The following CFAP47 variants were observed in gnomAD, a reference collection of about 807,000 sequenced individuals.
CFAP47 encodes the protein cilia- and flagella-associated protein 47.
Under a neutral mutation model 148.1 loss-of-function variants are expected in CFAP47, and 29 were observed. The observed-to-expected ratio is 0.20, with a 90% CI of 0.15 to 0.27. The LOEUF (loss-of-function observed/expected upper bound fraction) is 0.27, where lower values mean the gene tolerates loss of function less well. Among genes scored for constraint, CFAP47 ranks in the 10% least tolerant of loss-of-function variants. CFAP47 has a pLI of 1.00. For synonymous variants in CFAP47, 664 were observed against 577.3 expected, an observed-to-expected ratio of 1.15 and a Z score of -2.15; for missense variants, 1,872 against 1,697.5, an observed-to-expected ratio of 1.10 and a Z score of -1.81.
chrX:36,309,751 G>T (rs1332733291), intron 55 of CFAP47, among the ~76,000 whole-genome samples: 1 of 111,276 alleles, frequency 9.0e-6, no homozygotes, highest in Non-Finnish European at 1.9e-5. Flanking sequence ...TATCCAAATA[G>T]TAAATAATTT....
At chrX:36,201,614 G>A (rs1939981036) in intron 44 of CFAP47, 114 bp downstream of exon 44, 1 of 284,268 alleles carries the variant, frequency 3.5e-6, no homozygotes, top group Non-Finnish European at 6.1e-6. Context: ...ATTTTTAGAA[G>A]GAAAAGTAAT....
intron 15 of CFAP47, among the ~76,000 whole-genome samples, chrX:35,984,984 C>T (rs1366831159): frequency 9.0e-6 from 1 of 111,272 alleles, no homozygotes; most frequent in Admixed American, 9.6e-5. Flanking sequence ...AGTTTAGGAC[C>T]CGAATATCTT....
intron 21 of CFAP47, among the ~76,000 whole-genome samples, chrX:36,005,188 A>G (rs1191418073): frequency 9.1e-6 from 1 of 109,752 alleles, no homozygotes; most frequent in Non-Finnish European, 1.9e-5. Context: ...TTGATTCTTT[A>G]TTTCATTCAT....
intron 51 of CFAP47, among the ~76,000 whole-genome samples, chrX:36,287,490 A>AT (rs1556004828): frequency 9.0e-6 from 1 of 111,542 alleles, no homozygotes; most frequent in Non-Finnish European, 1.9e-5. Context: ...CTTAAATGAT[A>AT]TTTTTTCATG....
intron 46 of CFAP47, among the ~76,000 whole-genome samples, chrX:36,233,729 G>A (rs2146906579): frequency 9.0e-6 from 1 of 111,383 alleles, no homozygotes; most frequent in East Asian, 2.8e-4. Flanking sequence ...TTACAATTTG[G>A]CATGATTTTG....
intron 39 of CFAP47, among the ~76,000 whole-genome samples, chrX:36,172,968 A>T (rs1369967466): frequency 9.0e-6 from 1 of 110,856 alleles, no homozygotes; most frequent in African/African-American, 3.3e-5. Context: ...TTATTGCCAC[A>T]ATTTCAGCTC....
intron 40 of CFAP47, among the ~76,000 whole-genome samples, chrX:36,182,301 C>T (rs893256988): frequency 1.8e-5 from 2 of 111,784 alleles, no homozygotes; most frequent in African/African-American, 3.3e-5. Flanking sequence ...ACTGGAAAAC[C>T]TCCTTTCTCC....
intron 51 of CFAP47, among the ~76,000 whole-genome samples, chrX:36,294,615 G>C (rs1029964781): frequency 1.8e-5 from 2 of 110,592 alleles, no homozygotes; most frequent in African/African-American, 3.3e-5. Context: ...GGGAGGCTGA[G>C]GCAGGAGAAT....
chrX:35,991,003 G>C (rs1021876338), intron 16 of CFAP47, among the ~76,000 whole-genome samples: 13 of 111,470 alleles, frequency 1.2e-4, no homozygotes, highest in African/African-American at 4.2e-4. Context: ...TTTTTCAACT[G>C]TAAAGAGACC....
At chrX:35,950,765 A>T (rs1936151432) in intron 4 of CFAP47, among the ~76,000 whole-genome samples, 1 of 111,774 alleles carries the variant, frequency 8.9e-6, no homozygotes, top group Admixed American at 9.6e-5. Context: ...GATGAGAAGA[A>T]TTAGAAAAGA....
chrX:36,086,530 A>T (rs1330148698), intron 30 of CFAP47, among the ~76,000 whole-genome samples: 1 of 111,934 alleles, frequency 8.9e-6, no homozygotes, highest in East Asian at 2.8e-4. Context: ...AGGAATAGAG[A>T]TGGAGGGCAA....
chrX:36,147,196 A>G (rs774067752), intron 36 of CFAP47, among the ~76,000 whole-genome samples: 3 of 108,584 alleles, frequency 2.8e-5, no homozygotes, highest in Admixed American at 9.6e-5. Flanking sequence ...TTCCTTTTGA[A>G]ACAAAATTTA....
At chrX:36,294,214 A>G (rs1556006028) in intron 51 of CFAP47, among the ~76,000 whole-genome samples, 1 of 110,903 alleles carries the variant, frequency 9.0e-6, no homozygotes, top group East Asian at 2.9e-4. Flanking sequence ...CTGCAACCTG[A>G]AAGAGCCAGC....
At chrX:35,923,874 T>C (rs778214296) in intron 1 of CFAP47, among the ~76,000 whole-genome samples, 2 of 88,333 alleles carry the variant, frequency 2.3e-5, no homozygotes, top group Non-Finnish European at 3.9e-5. Context: ...TACATATATG[T>C]ATATATGTAC....
chrX:36,108,004 A>G (rs1938493112), intron 33 of CFAP47, among the ~76,000 whole-genome samples: 1 of 111,455 alleles, frequency 9.0e-6, no homozygotes, highest in African/African-American at 3.3e-5. Flanking sequence ...GCTCACTGTG[A>G]CTTCTGCTTA....
At chrX:36,178,835 A>C (rs914144653) in intron 39 of CFAP47, among the ~76,000 whole-genome samples, 10 of 112,126 alleles carry the variant, frequency 8.9e-5, no homozygotes, top group Non-Finnish European at 1.3e-4. Flanking sequence ...TATTTCTTGA[A>C]TATATGAGCA....
At chrX:36,286,260 A>G (rs1225459361) in intron 51 of CFAP47, among the ~76,000 whole-genome samples, 1 of 111,258 alleles carries the variant, frequency 9.0e-6, no homozygotes, top group African/African-American at 3.3e-5. Flanking sequence ...CATGAGGACA[A>G]TATTGCTATT....
At chrX:35,973,473 G>A (rs1936524886) in intron 13 of CFAP47, among the ~76,000 whole-genome samples, 2 of 112,027 alleles carry the variant, frequency 1.8e-5, no homozygotes, top group African/African-American at 6.5e-5. Flanking sequence ...ACAGGTGTAA[G>A]CCACCGTGCC....
At position 36,348,064 on chromosome X, in the gene CFAP47, C is replaced by T. The variant is rs1941713369; in HGVS notation, c.8444-65C>T. The T allele has an allele frequency of 9.4e-6, 6 of 641,426 alleles. No homozygotes were observed. The South Asian group carries it at 2.5e-4, about 27-fold the overall frequency. 52.9% of individuals were successfully genotyped at this position (641,426 alleles called of 1,213,427 possible). ...AGTAATCAAATTAGGTGTTTACCTT[C>T]TCCTGTTAAAATTATAGTCTGTTAA... On this transcript the variant is annotated intron_variant, in intron 57 of 63. Coordinates refer to ENST00000378653, the MANE Select transcript of CFAP47 (RefSeq NM_001304548.2).
Sources: allele counts gnomAD v4.1 joint callset (sites outside exome capture counted in the v4.1 genomes callset), GRCh38; gene constraint gnomAD v4.1.1; transcripts MANE v1.5; gene names NCBI Gene and HGNC (gene_info 2026-07-23, HGNC 2026-07-21).